The following SLC39A11 variants were observed in gnomAD, a reference collection of about 807,000 sequenced individuals.
SLC39A11 encodes the protein solute carrier family 39 member 11, also known as zinc transporter ZIP11.
A neutral mutation model predicts 36.1 loss-of-function variants in SLC39A11; 33 were observed. The ratio of observed to expected loss-of-function variants is 0.91; its 90% CI spans 0.69 to 1.22. The LOEUF (loss-of-function observed/expected upper bound fraction) is 1.22. Ranked by LOEUF, SLC39A11 falls within the 50% of genes most tolerant of loss-of-function variation. The probability of loss-of-function intolerance (pLI) is 0.00; values close to 1 mark genes in which losing one functional copy is unlikely to be tolerated. For missense variants in SLC39A11, 432 were observed against 430.3 expected, an observed-to-expected ratio of 1.00 and a Z score of -0.03; for synonymous variants, 166 against 170.3, an observed-to-expected ratio of 0.97 and a Z score of 0.20.
intron 5 of SLC39A11, among the ~76,000 whole-genome samples, chr17:72,930,029 AT>A (rs1402524869): frequency 6.6e-6 from 1 of 152,122 alleles, no homozygotes; most frequent in Non-Finnish European, 1.5e-5. Flanking sequence ...CTTCCTAGAA[AT>A]CTCCTGACTT....
In SLC39A11 at chr17:72,968,743, G is replaced by A. The variant is rs1217382365; in HGVS notation, c.307-20868C>T. 5.3e-5 allele frequency among the ~76,000 whole-genome samples: 8 copies of A among 152,342 alleles called. No homozygotes were observed. In the East Asian group the frequency reaches 1.3e-3, roughly 26 times the overall value. ...GTGTAAGAAAAATGCAGCCACCACA[G>A]AATTCACAAAGAGCAAGACACGATC... On this transcript the variant is annotated intron_variant, in intron 4 of 9. Transcript: ENST00000255559.
At chr17:72,924,669 G>C (rs1221975462) in intron 5 of SLC39A11, among the ~76,000 whole-genome samples, 1 of 152,080 alleles carries the variant, frequency 6.6e-6, no homozygotes, top group Non-Finnish European at 1.5e-5. Flanking sequence ...TGTCCGAACA[G>C]GATGATCAAA....
intron 5 of SLC39A11, among the ~76,000 whole-genome samples, chr17:72,859,286 A>C (rs2079824644): frequency 6.6e-6 from 1 of 152,252 alleles, no homozygotes; most frequent in Non-Finnish European, 1.5e-5. Context: ...AGATTTAGCA[A>C]GTAAAGACAG....
At chr17:72,775,827 G>T (rs1426948416) in intron 6 of SLC39A11, among the ~76,000 whole-genome samples, 1 of 152,216 alleles carries the variant, frequency 6.6e-6, no homozygotes, top group African/African-American at 2.4e-5. Context: ...TTAGGGATAA[G>T]ATTTTAGCTC....
intron 4 of SLC39A11, among the ~76,000 whole-genome samples, chr17:72,999,352 C>A (rs1243601680): frequency 6.6e-6 from 1 of 152,212 alleles, no homozygotes; most frequent in African/African-American, 2.4e-5. Flanking sequence ...TTCCACTCTG[C>A]AAGCCTGCTG....
chr17:73,072,725 C>T (rs994473700), intron 3 of SLC39A11, among the ~76,000 whole-genome samples: 1 of 152,202 alleles, frequency 6.6e-6, no homozygotes, highest in African/African-American at 2.4e-5. Flanking sequence ...CCCACAAAAA[C>T]CACTAGTGTT....
chr17:72,894,498 C>T (rs1335471370), intron 5 of SLC39A11, among the ~76,000 whole-genome samples: 1 of 98,302 alleles, frequency 1.0e-5, no homozygotes, highest in Non-Finnish European at 1.9e-5. Flanking sequence ...CTCATCCCTA[C>T]TAAAAAAAAA....
At chr17:72,871,822 G>C (rs889019478) in intron 5 of SLC39A11, among the ~76,000 whole-genome samples, 5 of 152,146 alleles carry the variant, frequency 3.3e-5, no homozygotes, top group East Asian at 1.9e-4. Context: ...GGGGGTTGTG[G>C]GGACCTCTGA....
intron 5 of SLC39A11, among the ~76,000 whole-genome samples, chr17:72,852,108 G>A (rs544457306): frequency 6.7e-6 from 1 of 148,230 alleles, no homozygotes; most frequent in Admixed American, 6.9e-5. Flanking sequence ...GGCTGAGTGA[G>A]GCAGGAGAAT....
At position 72,915,529 on chromosome 17, in the gene SLC39A11, G is replaced by A. The variant is rs138128378; in HGVS notation, c.430+32223C>T. Among the ~76,000 whole-genome samples, 179 of 152,286 alleles carry A rather than the reference G, an allele frequency of 1.2e-3. 1 individual carries two copies. Among genetic ancestry groups the A allele is most frequent in the African/African-American group, 4.1e-3 (171 of 41,554 alleles). The stretch of plus-strand genomic sequence containing the variant: ...AGTGTGCCCCCTTCTCTTGGGAAAT[G>A]CAACTCATACATCCTCACCTCCATA... On this transcript the variant is annotated intron_variant, in intron 5 of 9. Transcript: ENST00000255559.
rs199741291 is a variant in SLC39A11 at position 72,910,926 on chromosome 17, CAAA to C, written c.430+36823_430+36825del. Among the ~76,000 whole-genome samples, 10 of 111,986 alleles carry C rather than the reference CAAA, an allele frequency of 8.9e-5. No individual in the cohort carries two copies. In the East Asian group the frequency reaches 2.6e-3, roughly 29 times the overall value. The allele number at this position is 111,986 out of a possible 152,430, so 73.5% of individuals were successfully genotyped here. A position where few individuals can be genotyped will look rare whatever the true frequency, so the allele number is the denominator to read the frequency against. ...TGGGCAACAGAGCAAGACTCCACCTCAAAAAAAAAAAAAAAAAAAAAAGAGTGT... is the reference window on the plus strand; with the variant it reads ...TGGGCAACAGAGCAAGACTCCACCTCAAAAAAAAAAAAAAAAAAAGAGTGT... On this transcript the variant is annotated intron_variant, in intron 5 of 9. Coordinates refer to ENST00000255559, the MANE Select transcript of SLC39A11 (RefSeq NM_139177.4).
chr17:72,966,729 C>G (rs1216032832), intron 4 of SLC39A11, among the ~76,000 whole-genome samples: 1 of 152,134 alleles, frequency 6.6e-6, no homozygotes, highest in East Asian at 1.9e-4. Context: ...GCCACCACGC[C>G]CAGCTAATTT....
intron 9 of SLC39A11, 87 bp downstream of exon 9, chr17:72,648,716 A>G: frequency 1.3e-6 from 2 of 1,518,452 alleles, no homozygotes; most frequent in Non-Finnish European, 1.8e-6. Flanking sequence ...AAGGAAAGGA[A>G]AGGCAAATGA....
chr17:73,081,744 T>TAC (rs1435552974), intron 3 of SLC39A11, among the ~76,000 whole-genome samples: 64 of 85,968 alleles, frequency 7.4e-4, no homozygotes, highest in African/African-American at 1.7e-3. Context: ...TATATATATA[T>TAC]ACATATATGT....
At chr17:72,810,171 T>C (rs1419295895) in intron 6 of SLC39A11, among the ~76,000 whole-genome samples, 1 of 151,978 alleles carries the variant, frequency 6.6e-6, no homozygotes, top group East Asian at 1.9e-4. Context: ...CTTTCCCCAA[T>C]TCTCAAATAG....
chr17:72,802,093 G>A (rs1034131338), intron 6 of SLC39A11, among the ~76,000 whole-genome samples: 1 of 152,172 alleles, frequency 6.6e-6, no homozygotes, highest in Non-Finnish European at 1.5e-5. Context: ...GGGGATTAAG[G>A]GAATGAATCC....
intron 4 of SLC39A11, among the ~76,000 whole-genome samples, chr17:72,966,999 T>C (rs780323072): frequency 2.5e-4 from 38 of 152,120 alleles, no homozygotes; most frequent in Non-Finnish European, 4.7e-4. Context: ...ATGCAAAGGA[T>C]CTAGGTTGCG....
At chr17:72,904,684 G>A (rs1299651968) in intron 5 of SLC39A11, among the ~76,000 whole-genome samples, 1 of 152,208 alleles carries the variant, frequency 6.6e-6, no homozygotes, top group African/African-American at 2.4e-5. Context: ...TCCTTCTCAG[G>A]TGGCACTGAC....
At chr17:72,760,109 C>A (rs1043409754) in intron 6 of SLC39A11, among the ~76,000 whole-genome samples, 1 of 152,220 alleles carries the variant, frequency 6.6e-6, no homozygotes, top group Non-Finnish European at 1.5e-5. Context: ...TCACTGCAAC[C>A]TTTGCCTTGC....
Sources: gnomAD v4.1 joint callset for allele counts (sites outside exome capture counted in the v4.1 genomes callset) on GRCh38, gnomAD v4.1.1 for gene constraint, MANE v1.5 for transcripts, NCBI Gene and HGNC (gene_info 2026-07-23, HGNC 2026-07-21) for gene names.